CC2D2B: variants seen among roughly 807,000 people sequenced by gnomAD.
CC2D2B encodes the protein coiled-coil and C2 domain containing 2B, also known as protein CC2D2B.
Under a neutral mutation model 161.2 loss-of-function variants are expected in CC2D2B, and 128 were observed. The observed-to-expected ratio is 0.79, with a 90% CI of 0.69 to 0.92. CC2D2B has a LOEUF of 0.92. CC2D2B is among the 40% of genes least tolerant of loss of function. The probability of loss-of-function intolerance (pLI) is 0.00; values close to 1 mark genes in which losing one functional copy is unlikely to be tolerated. For synonymous variants in CC2D2B, 391 were observed against 449.8 expected (o/e 0.87, Z 1.65); for missense variants, 1,173 against 1,375.1 (o/e 0.85, Z 2.32).
chr10:95,915,191 C>T (rs894412462), intron 2 of CC2D2B, among the ~76,000 whole-genome samples: 5 of 152,034 alleles, frequency 3.3e-5, no homozygotes, highest in Non-Finnish European at 7.4e-5. Context: ...GGATTATTTT[C>T]TAGATTTCTT....
chr10:95,959,515 G>C (rs186154046), intron 11 of CC2D2B, among the ~76,000 whole-genome samples: 81 of 152,206 alleles, frequency 5.3e-4, no homozygotes, highest in African/African-American at 1.8e-3. Flanking sequence ...CGTTTAATGA[G>C]GTTACAGTAT....
In CC2D2B at chr10:96,023,204, G is replaced by T. The variant is rs558606598; in HGVS notation, c.3889-1649G>T. Reference sequence around the variant, plus strand: ...TGAAACTAAAGCCTTCTGCCAAGTTGAATCTATAAATGTAAAACTCATAGT... The same window carrying T: ...TGAAACTAAAGCCTTCTGCCAAGTTTAATCTATAAATGTAAAACTCATAGT... On this transcript the variant is annotated intron_variant, in intron 32 of 34. Coordinates refer to ENST00000646931, the MANE Select transcript of CC2D2B (RefSeq NM_001349008.3). Among the ~76,000 whole-genome samples the T allele has an allele frequency of 2.6e-5, 4 of 152,330 alleles. No individual in the cohort carries two copies. In the South Asian group the frequency reaches 8.3e-4, roughly 32 times the overall value.
rs909264610 is a variant in CC2D2B at position 95,930,932 on chromosome 10, A to C, written c.336+3600A>C. 2.0e-5 allele frequency among the ~76,000 whole-genome samples: 3 copies of C among 152,080 alleles called. No individual in the cohort carries two copies. The East Asian group carries it at 5.8e-4, about 29-fold the overall frequency. On this transcript the variant is annotated intron_variant, in intron 6 of 34. Coordinates refer to ENST00000646931, the MANE Select transcript of CC2D2B (RefSeq NM_001349008.3). ...GTTAGCGAGGAGTCTCTCTTTTTCT[A>C]TTGTTTGGAATGGTTTCAGAGGGAA... is the stretch of plus-strand genomic sequence containing the variant.
intron 25 of CC2D2B, among the ~76,000 whole-genome samples, chr10:96,006,206 AGTTT>A (rs57399582): frequency 0.12 from 18,719 of 151,240 alleles, 2,944 homozygotes; most frequent in East Asian, 0.77. Flanking sequence ...TTGAATGCCT[AGTTT>A]GTTTGATCTC....
chr10:95,997,314 C>T (rs1012368300), intron 24 of CC2D2B, among the ~76,000 whole-genome samples: 3 of 151,982 alleles, frequency 2.0e-5, no homozygotes, highest in African/African-American at 7.3e-5. Context: ...TTGTACTTGT[C>T]CTCTGGAGCA....
intron 10 of CC2D2B, among the ~76,000 whole-genome samples, chr10:95,955,120 T>C (rs1196811631): frequency 6.6e-6 from 1 of 152,106 alleles, no homozygotes; most frequent in Non-Finnish European, 1.5e-5. Context: ...TGGCATTTCT[T>C]TATATCAATT....
intron 11 of CC2D2B, among the ~76,000 whole-genome samples, chr10:95,960,650 C>G (rs1347971255): frequency 6.6e-6 from 1 of 152,060 alleles, no homozygotes; most frequent in East Asian, 1.9e-4. Flanking sequence ...GTAGCTGGGA[C>G]TACAAGTGTG....
intron 2 of CC2D2B, among the ~76,000 whole-genome samples, chr10:95,917,142 C>A (rs1231089045): frequency 6.6e-6 from 1 of 152,166 alleles, no homozygotes; most frequent in East Asian, 1.9e-4. Flanking sequence ...ATATCATGAC[C>A]TTCTTTGTCT....
intron 10 of CC2D2B, among the ~76,000 whole-genome samples, chr10:95,952,065 C>T (rs2076420143): frequency 6.6e-6 from 1 of 152,072 alleles, no homozygotes; most frequent in Non-Finnish European, 1.5e-5. Context: ...TCATTGGCCT[C>T]CCACTAAAAG....
intron 20 of CC2D2B, among the ~76,000 whole-genome samples, chr10:95,988,820 T>C (rs917685601): frequency 6.6e-6 from 1 of 152,190 alleles, no homozygotes; most frequent in South Asian, 2.1e-4. Context: ...CTTAACCAGG[T>C]TTGAGTGGAA....
chr10:96,001,183 T>C (rs2078477179), intron 24 of CC2D2B, among the ~76,000 whole-genome samples: 1 of 152,168 alleles, frequency 6.6e-6, no homozygotes, highest in East Asian at 1.9e-4. Context: ...CTTCCTTTAG[T>C]ATTGCTATGC....
intron 34 of CC2D2B, among the ~76,000 whole-genome samples, chr10:96,029,846 TG>T (rs1281547891): frequency 4.6e-5 from 7 of 151,806 alleles, no homozygotes; most frequent in Admixed American, 1.3e-4. Flanking sequence ...GGTCTCACTT[TG>T]TCACCCAGGC....
intron 3 of CC2D2B, among the ~76,000 whole-genome samples, chr10:95,923,835 C>T (rs949911375): frequency 6.6e-6 from 1 of 151,880 alleles, no homozygotes; most frequent in Admixed American, 6.6e-5. Flanking sequence ...GCCAACATGG[C>T]GAAACCCCAT....
chr10:96,019,405 C>A, intron 31 of CC2D2B, 68 bp downstream of exon 31: 2 of 1,415,260 alleles, frequency 1.4e-6, no homozygotes, highest in Non-Finnish European at 1.9e-6. Flanking sequence ...ACACTAGAAT[C>A]ACCTGGGGAA....
chr10:95,910,932 A>G (rs2098505238), intron 1 of CC2D2B, among the ~76,000 whole-genome samples: 1 of 152,118 alleles, frequency 6.6e-6, no homozygotes, highest in African/African-American at 2.4e-5. Context: ...TGTAGGGAAG[A>G]TACTGACTTT....
intron 9 of CC2D2B, 65 bp downstream of exon 9, chr10:95,938,990 G>A (rs1299289212): frequency 1.6e-6 from 1 of 613,152 alleles, no homozygotes; most frequent in Admixed American, 3.0e-5. Flanking sequence ...ATCGCTGGTG[G>A]TTTTGTGGTG....
At chr10:95,951,071 G>A (rs979355977) in intron 10 of CC2D2B, among the ~76,000 whole-genome samples, 1 of 152,078 alleles carries the variant, frequency 6.6e-6, no homozygotes, top group South Asian at 2.1e-4. Context: ...TGCCTAACTC[G>A]GCCTCCCAAA....
intron 14 of CC2D2B, 74 bp from the exon 15 acceptor site, chr10:95,968,650 T>G: frequency 1.8e-6 from 1 of 541,378 alleles, no homozygotes; most frequent in Non-Finnish European, 2.8e-6. Context: ...CATGCTAATA[T>G]ACATTTTGAA....
intron 6 of CC2D2B, among the ~76,000 whole-genome samples, chr10:95,929,228 G>A (rs138593770): frequency 0.036 from 5,536 of 151,936 alleles, 138 homozygotes; most frequent in South Asian, 0.079. Context: ...CATATCCTTC[G>A]CTCACTTTTT....
Sources: allele counts gnomAD v4.1 joint callset (sites outside exome capture counted in the v4.1 genomes callset), GRCh38; gene constraint gnomAD v4.1.1; transcripts MANE v1.5; gene names NCBI Gene and HGNC (gene_info 2026-07-23, HGNC 2026-07-21).